MED30: variants seen among roughly 807,000 people sequenced by gnomAD.
MED30 encodes mediator of RNA polymerase II transcription subunit 30.
In MED30, 8 loss-of-function variants were observed where a neutral mutation model predicts 21.7. The ratio of observed to expected loss-of-function variants is 0.37; its 90% CI spans 0.22 to 0.67. The LOEUF is 0.67. MED30 is among the 30% of genes least tolerant of loss of function. The pLI, the probability that MED30 is intolerant of heterozygous loss-of-function variation, is 0.58. For synonymous variants in MED30, 79 were observed against 86.7 expected (o/e 0.91, Z 0.49); for missense variants, 203 against 228.2 (o/e 0.89, Z 0.71).
At chr8:117,521,606 C>T (rs1302088728) in intron 1 of MED30, among the ~76,000 whole-genome samples, 1 of 152,172 alleles carries the variant, frequency 6.6e-6, no homozygotes, top group Admixed American at 6.5e-5. Context: ...CTTTGCTTCC[C>T]ACCTTCCATC....
At chr8:117,525,335 TTGTC>T (rs1301056223) in intron 1 of MED30, among the ~76,000 whole-genome samples, 18 of 151,618 alleles carry the variant, frequency 1.2e-4, no homozygotes, top group African/African-American at 2.7e-4. Flanking sequence ...ATTCACCCAT[TTGTC>T]TGTCTTTTTT....
intron 3 of MED30, among the ~76,000 whole-genome samples, chr8:117,535,008 T>A (rs73707606): frequency 0.25 from 38,427 of 151,736 alleles, 5,239 homozygotes; most frequent in Middle Eastern, 0.37. Flanking sequence ...AAGTAAAGGA[T>A]ATAATTGATA....
rs73707607 is a variant in MED30 at position 117,538,284 on chromosome 8, G to A, written c.442-1599G>A. ...GCTTTAGAGTCGAGCCCTGTGTACT[G>A]TATAGTCCTGTTTTTCTCTGACTGC... is the stretch of plus-strand genomic sequence containing the variant. On this transcript the variant is annotated intron_variant, in intron 3 of 3. Transcript: ENST00000297347. Among the ~76,000 whole-genome samples the A allele has an allele frequency of 5.4e-3, 816 of 152,268 alleles. 7 individuals are homozygous for A. Among genetic ancestry groups the A allele is most frequent in the African/African-American group, 0.018 (768 of 41,550 alleles).
rs1317105365 is a variant in MED30, at chr8:117,521,069, C to CG, written c.177+17dup. 2 of 1,571,152 alleles carry CG rather than the reference C, an allele frequency of 1.3e-6. No homozygotes were observed. Among genetic ancestry groups the CG allele is most frequent in the African/African-American group, 1.4e-5 (1 of 72,890 alleles). On this transcript the variant is annotated intron_variant, in intron 1 of 3. Coordinates refer to ENST00000297347, the MANE Select transcript of MED30 (RefSeq NM_080651.4). The stretch of plus-strand genomic sequence containing the variant: ...GAACATGCAGGTAGGAAGGCGGGCG[C>CG]GCGAGGCCAGGGGGATGCAGCTGGG...
chr8:117,523,895 T>G, intron 1 of MED30: 1 of 370,468 alleles, frequency 2.7e-6, no homozygotes, highest in Non-Finnish European at 5.1e-6. Context: ...TAATCCCAGC[T>G]ACTCGGGAGG....
Position 117,528,806 on chromosome 8 carries a change from C to T in MED30, c.333C>T (p.Val111=), listed in dbSNP as rs375857849. The T allele has an allele frequency of 1.9e-6, 3 of 1,593,192 alleles. No individual in the cohort carries two copies. The highest frequency in any genetic ancestry group is 2.6e-6 in the Non-Finnish European group (3 of 1,171,182). ...ENCGGMDPIP[V]EQLIPYVEED... ...GTGGTGGGATGGATCCCATTCCAGT[C>T]GAGGTAATTTTTTGTGATAGAGGGA... Residue 111 remains valine (V), a synonymous_variant, in exon 2 of 4, where the codon GTC becomes GTT. Transcript: ENST00000297347.
intron 1 of MED30, 63 bp downstream of exon 1, chr8:117,521,116 C>T (rs1021124860): frequency 4.7e-6 from 7 of 1,474,688 alleles, no homozygotes; most frequent in Non-Finnish European, 6.4e-6. Context: ...CTCTGGTTTC[C>T]TCTTTACGTG....
rs1234745554 is a variant in MED30, at chr8:117,539,875, T to A, written c.442-8T>A. Reference sequence around the variant, plus strand: ...AAACATTTTTGATAAATTCTTTTGTTTCTACAGAAACTCAAACAGAAGAAT... The same window carrying A: ...AAACATTTTTGATAAATTCTTTTGTATCTACAGAAACTCAAACAGAAGAAT... On this transcript the variant is annotated splice_region_variant and splice_polypyrimidine_tract_variant and intron_variant, in intron 3 of 3. Transcript: ENST00000297347. The A allele has an allele frequency of 6.4e-7, 1 of 1,554,284 alleles. No individual in the cohort carries two copies. Among genetic ancestry groups the A allele is most frequent in the Non-Finnish European group, 8.8e-7 (1 of 1,132,254 alleles).
intron 1 of MED30, among the ~76,000 whole-genome samples, chr8:117,525,328 C>T (rs1214209184): frequency 1.3e-5 from 2 of 150,080 alleles, no homozygotes; most frequent in East Asian, 3.9e-4. Context: ...ACTTATTATT[C>T]ACCCATTTGT....
At chr8:117,528,945 A>G (rs572199479) in intron 2 of MED30, 136 bp downstream of exon 2, 1 of 616,178 alleles carries the variant, frequency 1.6e-6, no homozygotes, top group Non-Finnish European at 2.6e-6. Flanking sequence ...TTTTGACCAG[A>G]GAAGATGAAA....
At chr8:117,528,280 C>T (rs896139938) in intron 1 of MED30, among the ~76,000 whole-genome samples, 1 of 151,148 alleles carries the variant, frequency 6.6e-6, no homozygotes, top group Non-Finnish European at 1.5e-5. Context: ...TTTTTTTAAA[C>T]TGTACTTTGT....
Position 117,520,715 on chromosome 8 carries a change from G to T in MED30, c.-162G>T, listed in dbSNP as rs202172158. ...CGGTGTCTATGACGTTTTCTGACGT[G>T]TTACGTCACAGTGGGCGGAAGTCGC... On this transcript the variant is annotated 5_prime_UTR_variant, in exon 1 of 4. Transcript: ENST00000297347. 1 of 467,156 alleles carries T rather than the reference G, an allele frequency of 2.1e-6. No individual in the cohort carries two copies. The highest frequency in any genetic ancestry group is 3.7e-6 in the Non-Finnish European group (1 of 267,658). The allele number at this position is 467,156 out of a possible 1,614,324, so 28.9% of individuals were successfully genotyped here.
At chr8:117,535,338 C>T (rs1291378156) in intron 3 of MED30, among the ~76,000 whole-genome samples, 1 of 149,866 alleles carries the variant, frequency 6.7e-6, no homozygotes, top group African/African-American at 2.5e-5. Flanking sequence ...AAGCAATTCT[C>T]CTGCCTCAGT....
intron 3 of MED30, among the ~76,000 whole-genome samples, chr8:117,534,240 A>G (rs1249568759): frequency 1.3e-5 from 2 of 150,804 alleles, no homozygotes; most frequent in Non-Finnish European, 3.0e-5. Flanking sequence ...CTCCCTCTTT[A>G]CTTTTCATCT....
In MED30 at chr8:117,540,068, C is replaced by A; in HGVS notation, c.*90C>A. On this transcript the variant is annotated 3_prime_UTR_variant, in exon 4 of 4. Coordinates refer to ENST00000297347, the MANE Select transcript of MED30 (RefSeq NM_080651.4). ...CCCTGTGAAGAAGATTATTTATCTG[C>A]TTTTATTTTAGTCACTAAAACTAAA... is the stretch of plus-strand genomic sequence containing the variant. 1 of 659,560 alleles carries A rather than the reference C, an allele frequency of 1.5e-6. No homozygotes were observed. Among genetic ancestry groups the A allele is most frequent in the Non-Finnish European group, 2.4e-6 (1 of 419,530 alleles). The allele number at this position is 659,560 out of a possible 1,614,324, so 40.9% of individuals were successfully genotyped here.
intron 3 of MED30, among the ~76,000 whole-genome samples, chr8:117,533,070 C>T (rs1229104128): frequency 6.6e-6 from 1 of 151,834 alleles, no homozygotes; most frequent in Non-Finnish European, 1.5e-5. Context: ...ACATGTGTAA[C>T]TAATGTAAAC....
chr8:117,530,077 G>A (rs779863363), intron 2 of MED30, among the ~76,000 whole-genome samples: 6 of 151,896 alleles, frequency 4.0e-5, no homozygotes, highest in Non-Finnish European at 7.4e-5. Flanking sequence ...ACACTTATGC[G>A]GTAAATTCCA....
intron 1 of MED30, chr8:117,523,285 C>G (rs1359142484): frequency 5.6e-6 from 7 of 1,239,134 alleles, no homozygotes; most frequent in African/African-American, 1.5e-5. Flanking sequence ...CTGACCATGT[C>G]CACGACCAAA....
In MED30 at chr8:117,530,781, C is replaced by G. The variant is rs369120137; in HGVS notation, c.395C>G (p.Pro132Arg). 2 of 1,612,246 alleles carry G rather than the reference C, an allele frequency of 1.2e-6. No homozygotes were observed. Among genetic ancestry groups the G allele is most frequent in the African/African-American group, 1.3e-5 (1 of 74,932 alleles). ...GSKNDDRAGP[P>R]RFASEERREI... is the part of the protein sequence containing the mutation. ...AAGAATGATGATCGGGCTGGCCCACCTCGTTTTGCTAGTGAAGAGAGGCGA... is the reference window on the plus strand; with the variant it reads ...AAGAATGATGATCGGGCTGGCCCACGTCGTTTTGCTAGTGAAGAGAGGCGA... Residue 132 changes from proline to arginine, a missense_variant, in exon 3 of 4, where the codon CCT becomes CGT. By Grantham distance (103) the Pro-to-Arg change is moderately radical. Coordinates refer to ENST00000297347, the MANE Select transcript of MED30 (RefSeq NM_080651.4).
Sources: allele counts gnomAD v4.1 joint callset (sites outside exome capture counted in the v4.1 genomes callset), GRCh38; gene constraint gnomAD v4.1.1; transcripts MANE v1.5; gene names NCBI Gene and HGNC (gene_info 2026-07-23, HGNC 2026-07-21).